The following RMND5B variants were observed in gnomAD, a reference collection of about 807,000 sequenced individuals.
RMND5B encodes required for meiotic nuclear division 5 homolog B, also known as E3 ubiquitin-protein transferase RMND5B.
RMND5B carries 42 observed loss-of-function variants against 50.4 expected under a neutral mutation model. The observed-to-expected ratio is 0.83, with a 90% CI of 0.65 to 1.08. The LOEUF is 1.08. RMND5B is among the 50% of genes least tolerant of loss of function. RMND5B has a pLI of 0.00. For missense variants in RMND5B, 463 were observed against 508.5 expected (o/e 0.91, Z 0.86); for synonymous variants, 220 against 210.0 (o/e 1.05, Z -0.41).
chr5:178,133,971 C>T (rs557099688), intron 2 of RMND5B, among the ~76,000 whole-genome samples: 1 of 152,350 alleles, frequency 6.6e-6, no homozygotes, highest in South Asian at 2.1e-4. Flanking sequence ...CCTCGGCCTC[C>T]CAAAGTGTTG....
At chr5:178,132,041 G>A (rs1000179599) in intron 2 of RMND5B, among the ~76,000 whole-genome samples, 1 of 152,150 alleles carries the variant, frequency 6.6e-6, no homozygotes, top group African/African-American at 2.4e-5. Context: ...GGCTGGGCAC[G>A]GTGGTTCACG....
chr5:178,146,213 G>A lies in RMND5B; in HGVS notation c.794G>A (p.Cys265Tyr). The A allele has an allele frequency of 1.9e-6, 3 of 1,614,114 alleles. No individual in the cohort carries two copies. The highest frequency in any genetic ancestry group is 4.5e-5 in the East Asian group (2 of 44,880). Residue 265 changes from cysteine (C) to tyrosine (Y), a missense_variant, in exon 8 of 11, where the codon TGT becomes TAT. Cys to Tyr is a radical substitution (Grantham distance 194). Coordinates refer to ENST00000313386, the MANE Select transcript of RMND5B (RefSeq NM_022762.5). ...GACAGCAGCCACTGGGCAGAGATCT[G>A]TGAGACCTTTACCCGGGACGCCTGT... ...LLDSSHWAEI[C>Y]ETFTRDACSL...
rs1053233081 is a variant in RMND5B at position 178,150,382 on chromosome 5, CTATTT to C, written c.*2352_*2356del. ...GGTACCCAAGATCCACCCCCAGCCTCTATTTTTTTTTTTTGAGACAGGGCCTCACT... is the reference window on the plus strand; with the variant it reads ...GGTACCCAAGATCCACCCCCAGCCTCTTTTTTTTTGAGACAGGGCCTCACT... On this transcript the variant is annotated 3_prime_UTR_variant, in exon 11 of 11. Transcript: ENST00000313386. 5 of 258,072 alleles carry C rather than the reference CTATTT, an allele frequency of 1.9e-5. No individual in the cohort carries two copies. Among genetic ancestry groups the C allele is most frequent in the African/African-American group, 1.3e-4 (5 of 37,714 alleles). The allele number at this position is 258,072 out of a possible 1,614,324, so 16.0% of individuals were successfully genotyped here.
At chr5:178,142,494 G>A in intron 3 of RMND5B, 89 bp from the exon 4 acceptor site, 1 of 1,448,344 alleles carries the variant, frequency 6.9e-7, no homozygotes, top group Non-Finnish European at 9.4e-7. Flanking sequence ...TGGGCTACGG[G>A]GCTGGCATTT....
Position 178,142,578 on chromosome 5 carries a change from T to C in RMND5B, c.140-5T>C. ...CTCTGTGTCCTTATTCCACTTTCTC[T>C]GCAGCCCTCCAGGGGACCCCTCTCT... On this transcript the variant is annotated splice_region_variant and splice_polypyrimidine_tract_variant and intron_variant, in intron 3 of 10. Transcript: ENST00000313386. 6.2e-7 allele frequency: 1 copy of C among 1,606,762 alleles called. No individual in the cohort carries two copies.
In RMND5B at chr5:178,138,114, G is replaced by A; in HGVS notation, c.-6G>A. On this transcript the variant is annotated 5_prime_UTR_variant, in exon 3 of 11. Transcript: ENST00000313386. This position sits in a 1 kb window ranked among gnomAD's most constrained non-coding sequence, Gnocchi z 5.1. Reference sequence around the variant, plus strand: ...CCCAGCTGACCCTCCCCAGGCTGAGGCCACCATGGAGCAGTGTGCGTGCGT... The same window carrying A: ...CCCAGCTGACCCTCCCCAGGCTGAGACCACCATGGAGCAGTGTGCGTGCGT... 1 of 1,586,960 alleles carries A rather than the reference G, an allele frequency of 6.3e-7. No homozygotes were observed. The highest frequency in any genetic ancestry group is 2.3e-5 in the East Asian group (1 of 43,128).
In RMND5B at chr5:178,147,603, AC is replaced by A; in HGVS notation, c.932del (p.Thr311MetfsTer16). Reference sequence around the variant, plus strand: ...GGCTGTGATTGAGCAGCGGCAGTGCACTGGGGTCTGGAATCACAAGGACGAG... The same window carrying A: ...GGCTGTGATTGAGCAGCGGCAGTGCATGGGGTCTGGAATCACAAGGACGAG... ...IKAVIEQRQC[T>X]GVWNHKDELP... On this transcript the variant is annotated frameshift_variant, in exon 9 of 11. Coordinates refer to ENST00000313386, the MANE Select transcript of RMND5B (RefSeq NM_022762.5). LOFTEE classifies it high-confidence loss of function. The A allele has an allele frequency of 1.9e-6, 3 of 1,614,188 alleles. No homozygotes were observed. The highest frequency in any genetic ancestry group is 2.5e-6 in the Non-Finnish European group (3 of 1,180,034).
rs1018959656 is a variant in RMND5B at position 178,138,710 on chromosome 5, C to A, written c.139+452C>A. On this transcript the variant is annotated intron_variant, in intron 3 of 10. Coordinates refer to ENST00000313386, the MANE Select transcript of RMND5B (RefSeq NM_022762.5). This position sits in a 1 kb window ranked among gnomAD's most constrained non-coding sequence, Gnocchi z 5.1. ...TAAAGATAATTTCAAATTTACAGAC[C>A]AATTCCAAGAATAGTATAAAGAACT... Among the ~76,000 whole-genome samples, 3 of 152,054 alleles carry A rather than the reference C, an allele frequency of 2.0e-5. No individual in the cohort carries two copies. The highest frequency in any genetic ancestry group is 2.4e-5 in the African/African-American group (1 of 41,400).
chr5:178,143,845 G>C, intron 6 of RMND5B, 97 bp from the exon 7 acceptor site: 1 of 1,493,384 alleles, frequency 6.7e-7, no homozygotes, highest in Admixed American at 1.7e-5. Context: ...CCTGTCTCAA[G>C]AGCCTCACAC....
In RMND5B at chr5:178,142,455, C is replaced by T. The variant is rs972892051; in HGVS notation, c.140-128C>T. On this transcript the variant is annotated intron_variant, in intron 3 of 10. Coordinates refer to ENST00000313386, the MANE Select transcript of RMND5B (RefSeq NM_022762.5). ...GCAGGACCTGGAAGAGAAGCTAGTTCTTTCACCCTGGCATTCAGGGCTGCC... is the reference window on the plus strand; with the variant it reads ...GCAGGACCTGGAAGAGAAGCTAGTTTTTTCACCCTGGCATTCAGGGCTGCC... The T allele has an allele frequency of 3.7e-6, 4 of 1,076,022 alleles. No individual in the cohort carries two copies. The African/African-American group carries it at 6.3e-5, about 17-fold the overall frequency. 66.7% of individuals were successfully genotyped at this position (1,076,022 alleles called of 1,614,324 possible).
chr5:178,143,994 T>G lies in RMND5B; in HGVS notation c.580T>G (p.Phe194Val). 1.9e-6 allele frequency: 3 copies of G among 1,613,908 alleles called. No homozygotes were observed. The highest frequency in any genetic ancestry group is 2.5e-6 in the Non-Finnish European group (3 of 1,179,966). The part of the protein sequence containing the change: ...RLLELNSSLE[F>V]KLHRLHFIRL... ...GCTGGAACTCAACAGCTCCCTGGAGTTCAAGCTGCACCGACTGCACTTCAT... is the reference window on the plus strand; with the variant it reads ...GCTGGAACTCAACAGCTCCCTGGAGGTCAAGCTGCACCGACTGCACTTCAT... The change falls in exon 7 of 11, where the codon TTC becomes GTC. Residue 194 changes from phenylalanine (F) to valine (V), a missense_variant. Phe to Val is a conservative substitution (Grantham distance 50). Transcript: ENST00000313386.
In RMND5B at chr5:178,149,697, G is replaced by A. The variant is rs745927459; in HGVS notation, c.*1665G>A. 2.7e-5 allele frequency: 43 copies of A among 1,612,488 alleles called. No individual in the cohort carries two copies. The East Asian group carries it at 6.9e-4, about 26-fold the overall frequency. On this transcript the variant is annotated 3_prime_UTR_variant, in exon 11 of 11. Transcript: ENST00000313386. ...ATAGCTTCCAGCGGCAGGTGCCCAG[G>A]TGCTACCGGAGCCCCTCATAGGGGT...
At chr5:178,143,298 TA>T (rs11329795) in intron 5 of RMND5B, among the ~76,000 whole-genome samples, 117,919 of 152,118 alleles carry the variant, frequency 0.78, 45,816 homozygotes, top group Middle Eastern at 0.84. Context: ...GTGGTAAAAG[TA>T]AAAGATTTTC....
chr5:178,132,230 CAGG>C (rs995928581), intron 2 of RMND5B, among the ~76,000 whole-genome samples: 3 of 152,108 alleles, frequency 2.0e-5, no homozygotes, highest in African/African-American at 7.2e-5. Flanking sequence ...CACTTGAGGC[CAGG>C]AGTTCAAGAC....
intron 8 of RMND5B, 148 bp from the exon 9 acceptor site, chr5:178,147,385 G>C (rs572830605): frequency 7.9e-6 from 5 of 629,986 alleles, no homozygotes; most frequent in Middle Eastern, 4.3e-4. Flanking sequence ...GACATCTTAT[G>C]AACAATGTGA....
rs747881483 is a variant in RMND5B at position 178,142,612 on chromosome 5, C to G, written c.169C>G (p.Leu57Val). The change falls in exon 4 of 11, where the codon CTC becomes GTC. Residue 57 changes from leucine to valine, a missense_variant. By Grantham distance (32) the Leu-to-Val change is conservative. Transcript: ENST00000313386. ...CCAGGGGACCCCTCTCTCAGCCACCCTCTCTCTGGTGATGTCACAGTGCTG... is the reference window on the plus strand; with the variant it reads ...CCAGGGGACCCCTCTCTCAGCCACCGTCTCTCTGGTGATGTCACAGTGCTG... ...ALQGTPLSATLSLVMSQCCRK... is the reference protein window; with the variant it reads ...ALQGTPLSATVSLVMSQCCRK... 2 of 1,613,888 alleles carry G rather than the reference C, an allele frequency of 1.2e-6. No homozygotes were observed. The highest frequency in any genetic ancestry group is 8.5e-7 in the Non-Finnish European group (1 of 1,179,812).
At chr5:178,146,611 T>C in intron 8 of RMND5B, 1 of 263,080 alleles carries the variant, frequency 3.8e-6, no homozygotes, top group Non-Finnish European at 7.4e-6. Flanking sequence ...CAGCCCGCCT[T>C]CCTCATGACC....
At position 178,138,127 on chromosome 5, in the gene RMND5B, AGTGTGC is replaced by A. The variant is rs772909244; in HGVS notation, c.12_17del (p.Ala5_Cys6del). On this transcript the variant is annotated inframe_deletion, in exon 3 of 11. Coordinates refer to ENST00000313386, the MANE Select transcript of RMND5B (RefSeq NM_022762.5). The surrounding 1 kb of genome is among the most constrained non-coding windows in gnomAD (Gnocchi z 5.1). Reference sequence around the variant, plus strand: ...CCCCAGGCTGAGGCCACCATGGAGCAGTGTGCGTGCGTGGAGAGAGAGCTGGACAAG... The same window carrying A: ...CCCCAGGCTGAGGCCACCATGGAGCAGTGCGTGGAGAGAGAGCTGGACAAG... 24 of 1,598,446 alleles carry A rather than the reference AGTGTGC, an allele frequency of 1.5e-5. No homozygotes were observed. In the East Asian group the frequency reaches 5.0e-4, roughly 33 times the overall value.
At chr5:178,143,061 G>A in intron 5 of RMND5B, 69 bp downstream of exon 5, 1 of 1,525,030 alleles carries the variant, frequency 6.6e-7, no homozygotes, top group Non-Finnish European at 8.9e-7. Flanking sequence ...TTCACTGTAT[G>A]AAGTCCCTAC....
Sources: allele counts gnomAD v4.1 joint callset (sites outside exome capture counted in the v4.1 genomes callset), GRCh38; gene constraint gnomAD v4.1.1; non-coding constraint Gnocchi (gnomAD v3.1); transcripts MANE v1.5; gene names NCBI Gene and HGNC (gene_info 2026-07-23, HGNC 2026-07-21).